ZDHHC7: variants seen among roughly 807,000 people sequenced by gnomAD.
ZDHHC7 encodes the protein palmitoyltransferase ZDHHC7.
ZDHHC7 carries 12 observed loss-of-function variants against 34.1 expected under a neutral mutation model. The observed-to-expected ratio is 0.35, with a 90% CI of 0.23 to 0.57. The LOEUF (loss-of-function observed/expected upper bound fraction) is 0.57. ZDHHC7 is among the 20% of genes least tolerant of loss of function. The probability of loss-of-function intolerance (pLI) is 0.84; values close to 1 mark genes in which losing one functional copy is unlikely to be tolerated. For synonymous variants in ZDHHC7, 185 were observed against 155.4 expected, an observed-to-expected ratio of 1.19 and a Z score of -1.42; for missense variants, 388 against 402.7, an observed-to-expected ratio of 0.96 and a Z score of 0.31.
chr16:84,976,236 G>T lies in ZDHHC7; in HGVS notation c.*107C>A. ...TGCTTGCTGCAAGCAATTGGTTTGT[G>T]TAGGTTCCAGTTGCCCTGTTGGTCA... On this transcript the variant is annotated 3_prime_UTR_variant, in exon 8 of 8. Coordinates refer to ENST00000313732, the MANE Select transcript of ZDHHC7 (RefSeq NM_017740.3). 7.2e-7 allele frequency: 1 copy of T among 1,397,954 alleles called. No individual in the cohort carries two copies. The highest frequency in any genetic ancestry group is 9.9e-7 in the Non-Finnish European group (1 of 1,015,002). 86.6% of individuals were successfully genotyped at this position (1,397,954 alleles called of 1,614,324 possible).
the ZDHHC7 span, among the ~76,000 whole-genome samples, chr16:85,021,955 G>A: frequency 1.3e-5 from 2 of 151,306 alleles, no homozygotes; most frequent in African/African-American, 4.9e-5. Flanking sequence ...AGGAGATCGG[G>A]ACCATCCTGG....
chr16:85,023,704 G>A, the ZDHHC7 span, among the ~76,000 whole-genome samples: 1 of 151,824 alleles, frequency 6.6e-6, no homozygotes, highest in Admixed American at 6.6e-5. Flanking sequence ...CTGCAACCTT[G>A]ACCTCCCAGG....
At chr16:85,001,413 G>A (rs919995487) in intron 1 of ZDHHC7, among the ~76,000 whole-genome samples, 3 of 142,600 alleles carry the variant, frequency 2.1e-5, no homozygotes, top group Admixed American at 7.6e-5. Context: ...TGAGGTTGCA[G>A]TGGGCCAAGA....
intron 1 of ZDHHC7, among the ~76,000 whole-genome samples, chr16:85,004,207 C>T (rs1000550247): frequency 3.9e-5 from 6 of 152,042 alleles, no homozygotes; most frequent in Middle Eastern, 3.4e-3. Flanking sequence ...AAAAAAGGCC[C>T]CGCCCTTCAT....
At chr16:85,014,196 A>C (rs1315305828), upstream of ZDHHC7, among the ~76,000 whole-genome samples, 1 of 152,218 alleles carries the variant, frequency 6.6e-6, no homozygotes, top group Admixed American at 6.5e-5. Flanking sequence ...TTGGAATCTA[A>C]AGAGAGTTTA....
At chr16:84,990,699 ATG>A in intron 2 of ZDHHC7, 64 bp from the exon 3 acceptor site, 1 of 1,389,904 alleles carries the variant, frequency 7.2e-7, no homozygotes, top group South Asian at 1.3e-5. Flanking sequence ...CTTAAATATG[ATG>A]TGTTACAGTT....
intron 1 of ZDHHC7, among the ~76,000 whole-genome samples, chr16:85,007,657 G>C (rs1006002406): frequency 1.3e-5 from 2 of 151,982 alleles, no homozygotes; most frequent in African/African-American, 4.8e-5. Context: ...AGGCAAAGCA[G>C]AAGAAAATGA....
chr16:84,991,522 A>C (rs2072509832), intron 2 of ZDHHC7, among the ~76,000 whole-genome samples: 1 of 152,140 alleles, frequency 6.6e-6, no homozygotes, highest in South Asian at 2.1e-4. Flanking sequence ...TCCTGACCTC[A>C]GGTGATCCAT....
At chr16:85,004,117 G>T (rs765828322) in intron 1 of ZDHHC7, among the ~76,000 whole-genome samples, 2 of 151,748 alleles carry the variant, frequency 1.3e-5, no homozygotes, top group African/African-American at 4.8e-5. Flanking sequence ...CTCCAGGGCA[G>T]GAGGGTCAAA....
At chr16:84,979,662 T>A (rs942321970) in intron 4 of ZDHHC7, among the ~76,000 whole-genome samples, 1 of 152,120 alleles carries the variant, frequency 6.6e-6, no homozygotes, top group African/African-American at 2.4e-5. Flanking sequence ...GGAGAAACAT[T>A]CTTTGTATCT....
the ZDHHC7 span, among the ~76,000 whole-genome samples, chr16:85,018,962 C>T: frequency 5.3e-5 from 8 of 152,146 alleles, no homozygotes; most frequent in South Asian, 2.1e-4. Context: ...AAGAGGGTGA[C>T]GTGTCCCTGA....
chr16:84,991,675 A>G (rs2072511410), intron 2 of ZDHHC7, among the ~76,000 whole-genome samples: 1 of 151,314 alleles, frequency 6.6e-6, no homozygotes, highest in African/African-American at 2.4e-5. Flanking sequence ...GCAGTGGCAC[A>G]ATCACAGCTC....
intron 1 of ZDHHC7, among the ~76,000 whole-genome samples, chr16:84,999,209 A>C (rs761363423): frequency 5.3e-5 from 8 of 152,164 alleles, no homozygotes; most frequent in Non-Finnish European, 8.8e-5. Context: ...AGGACTGTGA[A>C]TCGCAAGCAT....
At chr16:84,997,895 T>TAAAAAAAA (rs751166134) in intron 1 of ZDHHC7, among the ~76,000 whole-genome samples, 1 of 64,424 alleles carries the variant, frequency 1.6e-5, no homozygotes, top group Non-Finnish European at 2.9e-5. Flanking sequence ...AGACTCCGTC[T>TAAAAAAAA]AAAAAAAAAA....
chr16:84,997,977 T>C (rs2072603637), intron 1 of ZDHHC7, among the ~76,000 whole-genome samples: 1 of 142,242 alleles, frequency 7.0e-6, no homozygotes, highest in Non-Finnish European at 1.5e-5. Context: ...GAAGAGAATG[T>C]AAAATAAAAT....
intron 7 of ZDHHC7, 113 bp downstream of exon 7, chr16:84,976,982 G>A (rs1382362510): frequency 2.9e-5 from 42 of 1,466,232 alleles, no homozygotes; most frequent in African/African-American, 4.2e-5. Flanking sequence ...CATCAAGACC[G>A]TCCCATTACG....
At chr16:84,990,267 C>A in intron 3 of ZDHHC7, 37 bp downstream of exon 3, 1 of 1,600,288 alleles carries the variant, frequency 6.2e-7, no homozygotes. Context: ...CTAGACCAGA[C>A]ACAAGAGAGC....
chr16:85,014,508 C>G (rs2072826403), upstream of ZDHHC7, among the ~76,000 whole-genome samples: 1 of 152,096 alleles, frequency 6.6e-6, no homozygotes, highest in Non-Finnish European at 1.5e-5. Flanking sequence ...GGCAGTTAAT[C>G]TGTAACAAAG....
At chr16:85,021,435 G>A in the ZDHHC7 span, among the ~76,000 whole-genome samples, 21 of 142,256 alleles carry the variant, frequency 1.5e-4, no homozygotes, top group African/African-American at 2.1e-4. Context: ...AAAGCCAGGC[G>A]TGGTGGCTCA....
Sources: allele counts gnomAD v4.1 joint callset (sites outside exome capture counted in the v4.1 genomes callset), GRCh38; gene constraint gnomAD v4.1.1; transcripts MANE v1.5; gene names NCBI Gene and HGNC (gene_info 2026-07-23, HGNC 2026-07-21).